Variants in MYRIP observed in about 807,000 individuals in gnomAD.
The protein encoded by MYRIP is rab effector MyRIP.
A neutral mutation model predicts 98.0 loss-of-function variants in MYRIP; 49 were observed. The ratio of observed to expected loss-of-function variants is 0.50; its 90% CI spans 0.40 to 0.63. The LOEUF is 0.63. Ranked by LOEUF, MYRIP falls within the 30% of genes least tolerant of loss-of-function variation. The pLI, the probability that MYRIP is intolerant of heterozygous loss-of-function variation, is 0.00. For missense variants in MYRIP, 1,004 were observed against 1,058.2 expected (o/e 0.95, Z 0.71); for synonymous variants, 404 against 409.5 (o/e 0.99, Z 0.16).
Position 40,129,440 on chromosome 3 carries a change from C to CAAAAAAAAAAA in MYRIP, c.333-21582_333-21572dup, listed in dbSNP as rs386396419. 3.8e-3 allele frequency among the ~76,000 whole-genome samples: 112 copies of CAAAAAAAAAAA among 29,372 alleles called. 23 individuals carry two copies. Among genetic ancestry groups the CAAAAAAAAAAA allele is most frequent in the Non-Finnish European group, 5.4e-3 (91 of 16,748 alleles). The allele number at this position is 29,372 out of a possible 152,430, so 19.3% of individuals were successfully genotyped here. On this transcript the variant is annotated intron_variant, in intron 3 of 16. Coordinates refer to ENST00000302541, the MANE Select transcript of MYRIP (RefSeq NM_015460.4). ...TGGGCGACAGAGTGAGACTCTGTCT[C>CAAAAAAAAAAA]AAAAAAAAAAAAAAAAAAAAAAAAA...
intron 2 of MYRIP, among the ~76,000 whole-genome samples, chr3:40,039,659 C>T (rs185018711): frequency 5.9e-5 from 9 of 151,368 alleles, no homozygotes; most frequent in East Asian, 5.8e-4. Context: ...GAAGAGGTTA[C>T]GACTATAAGA....
chr3:39,849,237 C>T (rs1942056673), intron 1 of MYRIP, among the ~76,000 whole-genome samples: 1 of 152,000 alleles, frequency 6.6e-6, no homozygotes, highest in Non-Finnish European at 1.5e-5. Context: ...AAGTGGGGTC[C>T]CATATTCCAG....
chr3:40,201,281 C>A (rs1951552875), intron 10 of MYRIP, among the ~76,000 whole-genome samples: 1 of 152,116 alleles, frequency 6.6e-6, no homozygotes, highest in East Asian at 1.9e-4. Context: ...GCCCTTTCAA[C>A]AAATAGCATA....
intron 1 of MYRIP, among the ~76,000 whole-genome samples, chr3:39,863,610 C>G (rs148204355): frequency 1.3e-5 from 2 of 152,202 alleles, no homozygotes; most frequent in African/African-American, 4.8e-5. Flanking sequence ...CAAGATTGAA[C>G]CAGGAAGAAA....
intron 12 of MYRIP, among the ~76,000 whole-genome samples, chr3:40,240,200 C>G (rs1236056469): frequency 7.3e-5 from 11 of 151,566 alleles, no homozygotes; most frequent in Admixed American, 5.9e-4. Context: ...TCAGGTTTGT[C>G]AAAGATCAGA....
intron 2 of MYRIP, among the ~76,000 whole-genome samples, chr3:39,984,983 A>T (rs530775322): frequency 1.3e-5 from 2 of 149,678 alleles, no homozygotes; most frequent in Non-Finnish European, 3.0e-5. Context: ...GCCAGTGATG[A>T]TGAGCATTTT....
At chr3:40,097,312 G>A (rs1289685972) in intron 3 of MYRIP, among the ~76,000 whole-genome samples, 1 of 152,174 alleles carries the variant, frequency 6.6e-6, no homozygotes, top group Non-Finnish European at 1.5e-5. Context: ...AAGTCAAAGA[G>A]TCAGGATTCA....
intron 3 of MYRIP, among the ~76,000 whole-genome samples, chr3:40,080,791 C>CTTT (rs34610302): frequency 9.7e-3 from 904 of 93,618 alleles, no homozygotes; most frequent in African/African-American, 0.014. Context: ...ATCCTAACTT[C>CTTT]TTTTTTTTTT....
At chr3:40,158,746 T>C (rs949995954) in intron 4 of MYRIP, among the ~76,000 whole-genome samples, 2 of 151,220 alleles carry the variant, frequency 1.3e-5, no homozygotes, top group Non-Finnish European at 2.9e-5. Flanking sequence ...TTTACCATTA[T>C]GTAATGGCCT....
chr3:40,251,835 C>A, intron 15 of MYRIP, 46 bp from the exon 16 acceptor site: 2 of 1,308,724 alleles, frequency 1.5e-6, no homozygotes, highest in Non-Finnish European at 2.2e-6. Context: ...AACAATCAAT[C>A]AGTCCATCTT....
intron 2 of MYRIP, among the ~76,000 whole-genome samples, chr3:39,972,608 T>C (rs1945615247): frequency 6.6e-6 from 1 of 152,082 alleles, no homozygotes; most frequent in African/African-American, 2.4e-5. Flanking sequence ...CATTTTGTAT[T>C]TGAATATTCA....
Position 39,809,662 on chromosome 3 carries a change from C to G in MYRIP, c.-285C>G, listed in dbSNP as rs191632006. On this transcript the variant is annotated 5_prime_UTR_variant, in exon 1 of 17. Transcript: ENST00000302541. ...GCGCCTCCCTCGCAGCCGCTGCTGC[C>G]GACGCCGCTGCGCTCCCGCCTCCTG... The G allele has an allele frequency of 2.0e-5, 3 of 151,886 alleles. No individual in the cohort carries two copies. Among genetic ancestry groups the G allele is most frequent in the Admixed American group, 6.5e-5 (1 of 15,268 alleles). The allele number at this position is 151,886 out of a possible 1,614,324, so 9.4% of individuals were successfully genotyped here.
At chr3:40,220,616 T>C (rs1373379266) in intron 11 of MYRIP, among the ~76,000 whole-genome samples, 1 of 152,196 alleles carries the variant, frequency 6.6e-6, no homozygotes, top group Admixed American at 6.5e-5. Context: ...AACTCTGTAT[T>C]AGTTAATTCT....
In MYRIP at chr3:40,214,466, A is replaced by G. The variant is rs1321880447; in HGVS notation, c.1905+4373A>G. Among the ~76,000 whole-genome samples, 7 of 152,200 alleles carry G rather than the reference A, an allele frequency of 4.6e-5. No homozygotes were observed. In the East Asian group the frequency reaches 1.3e-3, roughly 29 times the overall value. On this transcript the variant is annotated intron_variant, in intron 11 of 16. Coordinates refer to ENST00000302541, the MANE Select transcript of MYRIP (RefSeq NM_015460.4). Reference sequence around the variant, plus strand: ...CATTTTAGAAACATACTTTTTCCTGATGTGATTCAAACCTTTGCTGTATGC... The same window carrying G: ...CATTTTAGAAACATACTTTTTCCTGGTGTGATTCAAACCTTTGCTGTATGC...
intron 2 of MYRIP, among the ~76,000 whole-genome samples, chr3:39,925,792 A>G (rs1236334720): frequency 6.6e-6 from 1 of 152,134 alleles, no homozygotes; most frequent in Non-Finnish European, 1.5e-5. Context: ...CAATGAACAT[A>G]TGAGTGCATA....
chr3:40,083,417 T>G (rs1202328982), intron 3 of MYRIP, among the ~76,000 whole-genome samples: 1 of 152,120 alleles, frequency 6.6e-6, no homozygotes, highest in Non-Finnish European at 1.5e-5. Context: ...GCTTTCTTCC[T>G]TATTCTTCCT....
intron 2 of MYRIP, among the ~76,000 whole-genome samples, chr3:39,984,983 A>G (rs530775322): frequency 4.9e-4 from 73 of 149,768 alleles, no homozygotes; most frequent in African/African-American, 1.7e-3. Context: ...GCCAGTGATG[A>G]TGAGCATTTT....
At chr3:40,078,206 A>T (rs924648381) in intron 3 of MYRIP, among the ~76,000 whole-genome samples, 1 of 152,206 alleles carries the variant, frequency 6.6e-6, no homozygotes, top group Non-Finnish European at 1.5e-5. Flanking sequence ...CGGCAGGGCC[A>T]GCTGGCTGCT....
intron 1 of MYRIP, among the ~76,000 whole-genome samples, chr3:39,838,211 G>A (rs933913699): frequency 6.6e-6 from 1 of 151,984 alleles, no homozygotes; most frequent in Non-Finnish European, 1.5e-5. Context: ...TCTTTCTCTT[G>A]TCTGATTGCC....
Sources: gnomAD v4.1 joint callset for allele counts (sites outside exome capture counted in the v4.1 genomes callset) on GRCh38, gnomAD v4.1.1 for gene constraint, MANE v1.5 for transcripts, NCBI Gene and HGNC (gene_info 2026-07-23, HGNC 2026-07-21) for gene names.